The following LRP1B variants were observed in gnomAD, a reference collection of about 807,000 sequenced individuals.
The protein encoded by LRP1B is LDL receptor related protein 1B.
A neutral mutation model predicts 556.6 loss-of-function variants in LRP1B; 217 were observed. The ratio of observed to expected loss-of-function variants is 0.39; its 90% CI spans 0.35 to 0.44. The LOEUF (loss-of-function observed/expected upper bound fraction) is 0.44, where lower values mean the gene tolerates loss of function less well. Ranked by LOEUF, LRP1B falls within the 20% of genes least tolerant of loss-of-function variation. The pLI, the probability that LRP1B is intolerant of heterozygous loss-of-function variation, is 1.00. For synonymous variants in LRP1B, 2,047 were observed against 1,865.8 expected, an observed-to-expected ratio of 1.10 and a Z score of -2.50; for missense variants, 5,053 against 5,620.8, an observed-to-expected ratio of 0.90 and a Z score of 3.23.
At chr2:140,859,947 A>T (rs1056443265) in intron 27 of LRP1B, among the ~76,000 whole-genome samples, 2 of 152,110 alleles carry the variant, frequency 1.3e-5, no homozygotes, top group African/African-American at 4.8e-5. Flanking sequence ...GTGAGCGGAG[A>T]TCGCACCCCT....
chr2:142,082,103 A>T (rs1705740741), intron 1 of LRP1B, among the ~76,000 whole-genome samples: 1 of 152,204 alleles, frequency 6.6e-6, no homozygotes, highest in Non-Finnish European at 1.5e-5. Flanking sequence ...ATAATTTGGA[A>T]GTATAAAGTC....
intron 86 of LRP1B, among the ~76,000 whole-genome samples, chr2:140,256,383 T>C (rs2104917139): frequency 6.6e-6 from 1 of 150,714 alleles, no homozygotes; most frequent in South Asian, 2.1e-4. Context: ...TAAATCTCTC[T>C]TCTTTTACAG....
intron 3 of LRP1B, among the ~76,000 whole-genome samples, chr2:141,275,519 G>C (rs923920581): frequency 2.6e-5 from 4 of 152,002 alleles, no homozygotes; most frequent in African/African-American, 9.7e-5. Flanking sequence ...GATCAGCCTG[G>C]GCAACATGGC....
chr2:141,277,188 G>GT (rs34530599), intron 3 of LRP1B, among the ~76,000 whole-genome samples: 19,548 of 152,138 alleles, frequency 0.13, 1,384 homozygotes, highest in Admixed American at 0.18. Flanking sequence ...CGATAGTTCT[G>GT]TTTCAAGCTA....
intron 2 of LRP1B, among the ~76,000 whole-genome samples, chr2:141,531,542 G>T (rs1256564076): frequency 5.3e-5 from 8 of 152,122 alleles, no homozygotes. Context: ...TTACAGGAAG[G>T]TAATTGATTT....
At chr2:140,848,022 A>C (rs990169950) in intron 29 of LRP1B, among the ~76,000 whole-genome samples, 3 of 151,904 alleles carry the variant, frequency 2.0e-5, no homozygotes, top group African/African-American at 7.2e-5. Flanking sequence ...ATTTTTTTTT[A>C]AGATATAACA....
intron 3 of LRP1B, among the ~76,000 whole-genome samples, chr2:141,354,831 T>TA (rs913893907): frequency 2.0e-5 from 3 of 152,076 alleles, no homozygotes; most frequent in Admixed American, 6.6e-5. Flanking sequence ...ACTATAGTCT[T>TA]AAAAAAACTT....
intron 83 of LRP1B, among the ~76,000 whole-genome samples, chr2:140,307,811 CA>C (rs1239095436): frequency 1.3e-5 from 2 of 151,688 alleles, no homozygotes; most frequent in Non-Finnish European, 3.0e-5. Flanking sequence ...TTGGAATAAT[CA>C]AAGTTCTCAG....
chr2:140,764,802 T>A (rs1362217333), intron 35 of LRP1B, among the ~76,000 whole-genome samples: 1 of 152,142 alleles, frequency 6.6e-6, no homozygotes, highest in African/African-American at 2.4e-5. Flanking sequence ...TATATTAGCA[T>A]CTATCGTTAA....
At chr2:141,063,062 T>C (rs1402998261) in intron 7 of LRP1B, among the ~76,000 whole-genome samples, 1 of 151,830 alleles carries the variant, frequency 6.6e-6, no homozygotes, top group African/African-American at 2.4e-5. Flanking sequence ...CTATGTTTAG[T>C]AAACACAAAT....
intron 1 of LRP1B, among the ~76,000 whole-genome samples, chr2:141,946,030 G>A (rs1226398787): frequency 6.6e-6 from 1 of 151,948 alleles, no homozygotes; most frequent in African/African-American, 2.4e-5. Context: ...TGGAAGACAG[G>A]GGTGGAGGCA....
chr2:140,583,780 T>C (rs1341122264), intron 43 of LRP1B, among the ~76,000 whole-genome samples: 1 of 152,026 alleles, frequency 6.6e-6, no homozygotes, highest in Non-Finnish European at 1.5e-5. Flanking sequence ...TTTTTTTATA[T>C]TCTCAAAATT....
At chr2:141,268,728 G>A (rs1684981749) in intron 3 of LRP1B, among the ~76,000 whole-genome samples, 1 of 152,134 alleles carries the variant, frequency 6.6e-6, no homozygotes, top group Admixed American at 6.6e-5. Context: ...TTTAACATTT[G>A]CAGCAGAATA....
intron 41 of LRP1B, among the ~76,000 whole-genome samples, chr2:140,607,153 A>G (rs1003784175): frequency 4.6e-5 from 7 of 152,292 alleles, no homozygotes; most frequent in Admixed American, 2.6e-4. Flanking sequence ...ATTTCTCCAA[A>G]GAAGATACAC....
chr2:140,410,505 G>A (rs1328473389), intron 66 of LRP1B, among the ~76,000 whole-genome samples: 4 of 151,896 alleles, frequency 2.6e-5, no homozygotes, highest in Non-Finnish European at 4.4e-5. Context: ...TGCATCTGCT[G>A]TAGAATCATA....
intron 23 of LRP1B, 82 bp from the exon 24 acceptor site, chr2:140,886,417 A>G: frequency 1.4e-6 from 1 of 705,700 alleles, no homozygotes. Flanking sequence ...TATATTATTT[A>G]AAAGTATAAT....
intron 1 of LRP1B, among the ~76,000 whole-genome samples, chr2:141,935,672 T>C (rs185904248): frequency 6.6e-6 from 1 of 152,160 alleles, no homozygotes; most frequent in Non-Finnish European, 1.5e-5. Flanking sequence ...TAAGAAAACA[T>C]CTAGCTGCTC....
At chr2:141,086,679 A>C (rs1654666556) in intron 7 of LRP1B, among the ~76,000 whole-genome samples, 1 of 151,932 alleles carries the variant, frequency 6.6e-6, no homozygotes, top group South Asian at 2.1e-4. Flanking sequence ...ACAAAAGAAA[A>C]GCAATACAAA....
intron 18 of LRP1B, among the ~76,000 whole-genome samples, chr2:140,959,259 A>G (rs1027335890): frequency 6.6e-6 from 1 of 151,670 alleles, no homozygotes; most frequent in Non-Finnish European, 1.5e-5. Flanking sequence ...ATTAGAAGAG[A>G]GTTATATTGG....
Sources: gnomAD v4.1 joint callset for allele counts (sites outside exome capture counted in the v4.1 genomes callset) on GRCh38, gnomAD v4.1.1 for gene constraint, MANE v1.5 for transcripts, NCBI Gene and HGNC (gene_info 2026-07-23, HGNC 2026-07-21) for gene names.